Variants in TRAF5 observed in about 807,000 individuals in gnomAD.
The protein encoded by TRAF5 is TNF receptor-associated factor 5.
Under a neutral mutation model 64.5 loss-of-function variants are expected in TRAF5, and 48 were observed. That is an observed-to-expected ratio of 0.74 (90% CI 0.59 to 0.95). The LOEUF is 0.95. Among genes scored for constraint, TRAF5 ranks in the 40% least tolerant of loss-of-function variants. The pLI is 0.00. For missense variants in TRAF5, 545 were observed against 662.8 expected (o/e 0.82, Z 1.95); for synonymous variants, 206 against 240.5 (o/e 0.86, Z 1.33).
chr1:211,349,588 C>T (rs562815200), intron 1 of TRAF5, among the ~76,000 whole-genome samples: 15 of 152,266 alleles, frequency 9.9e-5, no homozygotes, highest in African/African-American at 3.6e-4. Flanking sequence ...CCTTAGGTTT[C>T]AATATACGAA....
chr1:211,326,661 G>C (rs984062805), upstream of TRAF5: 5 of 985,084 alleles, frequency 5.1e-6, no homozygotes, highest in Non-Finnish European at 6.0e-6. This position sits in a 1 kb window ranked among gnomAD's most constrained non-coding sequence, Gnocchi z 5.0. Context: ...AGATACTAAC[G>C]GTTCTGAAGC....
rs1439180845 is a variant in TRAF5, at chr1:211,365,486, C to T, written c.789+18C>T. Reference sequence around the variant, plus strand: ...AAGAACAGGTAAATCTTCAAAGGTTCAAATAAAAAGTGAGGCAACAGAATT... The same window carrying T: ...AAGAACAGGTAAATCTTCAAAGGTTTAAATAAAAAGTGAGGCAACAGAATT... On this transcript the variant is annotated intron_variant, in intron 8 of 10. Transcript: ENST00000261464. The T allele has an allele frequency of 1.3e-6, 2 of 1,597,270 alleles. No individual in the cohort carries two copies. Among genetic ancestry groups the T allele is most frequent in the South Asian group, 2.2e-5 (2 of 89,836 alleles).
At chr1:211,340,251 T>A (rs528266966) in intron 1 of TRAF5, among the ~76,000 whole-genome samples, 1 of 152,182 alleles carries the variant, frequency 6.6e-6, no homozygotes, top group Non-Finnish European at 1.5e-5. Flanking sequence ...TGGAGCCTCA[T>A]TCACTTTACG....
Position 211,338,482 on chromosome 1 carries a change from C to T in TRAF5, c.-2+11593C>T, listed in dbSNP as rs145046345. ...ATAGGGCGCAGACTTTGCATGTGAC[C>T]GGCACTGAATAAAGCTGGCTAGGAG... On this transcript the variant is annotated intron_variant, in intron 1 of 10. Transcript: ENST00000261464. 1.6e-4 allele frequency among the ~76,000 whole-genome samples: 24 copies of T among 152,282 alleles called. No homozygotes were observed. In the East Asian group the frequency reaches 1.7e-3, roughly 11 times the overall value.
chr1:211,355,622 G>A (rs1411824786), intron 3 of TRAF5, among the ~76,000 whole-genome samples: 1 of 152,128 alleles, frequency 6.6e-6, no homozygotes, highest in Non-Finnish European at 1.5e-5. Context: ...TCCAGGGGTT[G>A]GCATACTACA....
At chr1:211,366,781 A>T (rs1703369061) in intron 8 of TRAF5, among the ~76,000 whole-genome samples, 1 of 152,214 alleles carries the variant, frequency 6.6e-6, no homozygotes, top group African/African-American at 2.4e-5. Context: ...GGTGTGTTGG[A>T]TCCAGATTGC....
intron 7 of TRAF5, among the ~76,000 whole-genome samples, chr1:211,361,948 C>T (rs542271731): frequency 4.2e-4 from 64 of 152,064 alleles, no homozygotes; most frequent in Non-Finnish European, 8.5e-4. Context: ...GCGCCTGCCT[C>T]GGCCTCCCAA....
intron 1 of TRAF5, among the ~76,000 whole-genome samples, chr1:211,337,311 G>A (rs1439939761): frequency 6.6e-6 from 1 of 152,184 alleles, no homozygotes; most frequent in Admixed American, 6.5e-5. Flanking sequence ...ATATCAGGGT[G>A]AAGAGTATTC....
chr1:211,336,901 C>G (rs907219903), intron 1 of TRAF5, among the ~76,000 whole-genome samples: 1 of 152,222 alleles, frequency 6.6e-6, no homozygotes, highest in African/African-American at 2.4e-5. Context: ...TCAACTGATC[C>G]GCTCACCTCG....
chr1:211,326,813 C>T, upstream of TRAF5: 3 of 984,092 alleles, frequency 3.0e-6, no homozygotes, highest in Non-Finnish European at 3.6e-6. The surrounding 1 kb of genome is among the most constrained non-coding windows in gnomAD (Gnocchi z 5.0). Context: ...TCCGCTTCGC[C>T]GCCGCCGCCG....
At chr1:211,353,963 T>C (rs1702877968) in intron 2 of TRAF5, among the ~76,000 whole-genome samples, 1 of 152,224 alleles carries the variant, frequency 6.6e-6, no homozygotes, top group Non-Finnish European at 1.5e-5. Context: ...GGCAGTCATT[T>C]TACCCTGCCA....
chr1:211,328,395 A>G (rs1489755740), intron 1 of TRAF5, among the ~76,000 whole-genome samples: 1 of 152,130 alleles, frequency 6.6e-6, no homozygotes, highest in African/African-American at 2.4e-5. Flanking sequence ...GAGGCAGGAG[A>G]AAGTGTCTGA....
In TRAF5 at chr1:211,326,839, A is replaced by G. The variant is rs554584109; in HGVS notation, c.-52A>G. On this transcript the variant is annotated 5_prime_UTR_variant, in exon 1 of 11. Coordinates refer to ENST00000261464, the MANE Select transcript of TRAF5 (RefSeq NM_001033910.3). This position sits in a 1 kb window ranked among gnomAD's most constrained non-coding sequence, Gnocchi z 5.0. ...GCCGCCGCCGGCCGCAGCCAGGAGC[A>G]GCAGCCGCGCCTGCAGACCGGCCTC... The G allele has an allele frequency of 2.1e-4, 209 of 984,570 alleles. No homozygotes were observed. The highest frequency in any genetic ancestry group is 2.4e-4 in the Non-Finnish European group (198 of 829,492). The allele number at this position is 984,570 out of a possible 1,614,324, so 61.0% of individuals were successfully genotyped here.
At chr1:211,363,808 G>T (rs1703261353) in intron 7 of TRAF5, among the ~76,000 whole-genome samples, 1 of 151,618 alleles carries the variant, frequency 6.6e-6, no homozygotes, top group South Asian at 2.1e-4. Flanking sequence ...CTCCTTGGGA[G>T]GCTGAGGTGG....
intron 1 of TRAF5, among the ~76,000 whole-genome samples, chr1:211,341,727 C>T (rs1209143349): frequency 6.6e-6 from 1 of 152,104 alleles, no homozygotes; most frequent in African/African-American, 2.4e-5. Context: ...GGCCAGAGCT[C>T]CAGGGGGTGG....
intron 9 of TRAF5, among the ~76,000 whole-genome samples, chr1:211,370,996 A>T (rs1262290225): frequency 6.6e-6 from 1 of 152,164 alleles, no homozygotes; most frequent in Admixed American, 6.5e-5. Flanking sequence ...GAGAAACAAC[A>T]TGAAAATAAA....
chr1:211,370,404 CA>C (rs1305627073), intron 9 of TRAF5, among the ~76,000 whole-genome samples: 9 of 151,930 alleles, frequency 5.9e-5, no homozygotes, highest in Admixed American at 2.6e-4. Context: ...CACACACACA[CA>C]CACACACCCT....
At chr1:211,344,876 C>T (rs968828158) in intron 1 of TRAF5, among the ~76,000 whole-genome samples, 1 of 152,120 alleles carries the variant, frequency 6.6e-6, no homozygotes, top group East Asian at 1.9e-4. Context: ...GCCACAGCCC[C>T]CCAAGTCGCT....
In TRAF5 at chr1:211,356,447, G is replaced by C. The variant is rs1375511609; in HGVS notation, c.357G>C (p.Lys119Asn). 1 of 1,614,128 alleles carries C rather than the reference G, an allele frequency of 6.2e-7. No individual in the cohort carries two copies. The highest frequency in any genetic ancestry group is 1.7e-5 in the Admixed American group (1 of 60,026). The change falls in exon 4 of 11, where the codon AAG (lysine) becomes AAC (asparagine). Residue 119 changes from lysine (K) to asparagine (N), a missense_variant. By Grantham distance (94) the Lys-to-Asn change is moderately conservative (BLOSUM62 0). Transcript: ENST00000261464. ...YCSNAPGCNA[K>N]VILGRYQDHL... is the part of the protein sequence containing the mutation. ...GCAATGCTCCTGGATGTAATGCCAA[G>C]GTTATTCTGGGCCGGTACCAGGTTG...
Sources: gnomAD v4.1 joint callset for allele counts (sites outside exome capture counted in the v4.1 genomes callset) on GRCh38, gnomAD v4.1.1 for gene constraint, Gnocchi (gnomAD v3.1) non-coding constraint, MANE v1.5 for transcripts, NCBI Gene and HGNC (gene_info 2026-07-23, HGNC 2026-07-21) for gene names.